RASSF3: variants seen among roughly 807,000 people sequenced by gnomAD.
RASSF3 encodes the protein Ras association domain family member 3, also known as ras association domain-containing protein 3.
Under a neutral mutation model 19.9 loss-of-function variants are expected in RASSF3, and 19 were observed. The observed-to-expected ratio is 0.96, with a 90% confidence interval of 0.67 to 1.40. The LOEUF (loss-of-function observed/expected upper bound fraction) is 1.40. Ranked by LOEUF, RASSF3 falls within the 40% of genes most tolerant of loss-of-function variation. The probability of loss-of-function intolerance (pLI) is 0.00; values close to 1 mark genes in which losing one functional copy is unlikely to be tolerated. For missense variants in RASSF3, 306 were observed against 289.8 expected (o/e 1.06, Z -0.41); for synonymous variants, 110 against 104.2 (o/e 1.06, Z -0.34).
chr12:64,593,908 A>G (rs1869960170), intron 2 of RASSF3, among the ~76,000 whole-genome samples: 1 of 149,130 alleles, frequency 6.7e-6, no homozygotes, highest in Admixed American at 6.8e-5. Flanking sequence ...GCTACTCAGG[A>G]GGCTGAGGCA....
chr12:64,655,148 A>T (rs1872110219), intron 1 of RASSF3: 1 of 152,234 alleles, frequency 6.6e-6, no homozygotes, highest in South Asian at 2.1e-4. Flanking sequence ...ATAGATCTGT[A>T]GAAGTTTTAA....
chr12:64,667,532 CGT>C (rs1872568646), intron 1 of RASSF3, among the ~76,000 whole-genome samples: 1 of 152,154 alleles, frequency 6.6e-6, no homozygotes, highest in Non-Finnish European at 1.5e-5. Flanking sequence ...GAAAGATGGT[CGT>C]AGCTCCTATT....
chr12:64,693,144 CTTTTTT>C (rs71434057), intron 4 of RASSF3, among the ~76,000 whole-genome samples: 1 of 128,754 alleles, frequency 7.8e-6, no homozygotes, highest in African/African-American at 2.9e-5. Context: ...CCATGTTGCT[CTTTTTT>C]TTTTTTTTTT....
intron 1 of RASSF3, among the ~76,000 whole-genome samples, chr12:64,618,908 T>G (rs1336839501): frequency 1.3e-5 from 2 of 151,872 alleles, no homozygotes; most frequent in Non-Finnish European, 2.9e-5. Flanking sequence ...AAATGTACCC[T>G]AAAACTTAAA....
At chr12:64,544,889 T>G (rs1262441945), downstream of RASSF3, among the ~76,000 whole-genome samples, 1 of 152,216 alleles carries the variant, frequency 6.6e-6, no homozygotes, top group Non-Finnish European at 1.5e-5. Flanking sequence ...TAACTCTTGA[T>G]CAGAACAGTA....
chr12:64,648,521 T>C (rs1295347741), intron 1 of RASSF3, among the ~76,000 whole-genome samples: 2 of 140,684 alleles, frequency 1.4e-5, no homozygotes, highest in African/African-American at 2.6e-5. Context: ...CTCATAAAGC[T>C]TTTTTTTTTT....
intron 1 of RASSF3, among the ~76,000 whole-genome samples, chr12:64,670,339 A>G (rs1288661309): frequency 4.7e-5 from 7 of 148,040 alleles, no homozygotes; most frequent in African/African-American, 1.7e-4. Flanking sequence ...TTTTTTACAC[A>G]TGAAAGCCTT....
At chr12:64,550,789 C>T (rs2136120686) in intron 2 of RASSF3, among the ~76,000 whole-genome samples, 1 of 127,918 alleles carries the variant, frequency 7.8e-6, no homozygotes. Context: ...CCACTGCAGT[C>T]CAGCCTGAGA....
At chr12:64,589,619 C>T (rs76263856) in intron 2 of RASSF3, among the ~76,000 whole-genome samples, 36 of 150,786 alleles carry the variant, frequency 2.4e-4, no homozygotes, top group African/African-American at 8.0e-4. Flanking sequence ...TTTTTTTTTC[C>T]ATAAAGAAAA....
At chr12:64,543,434 C>CCCGCCCGCCCG (rs1565836086), downstream of RASSF3, among the ~76,000 whole-genome samples, 1 of 59,566 alleles carries the variant, frequency 1.7e-5, no homozygotes, top group Non-Finnish European at 3.1e-5. Context: ...TCCCCGCCCG[C>CCCGCCCGCCCG]CCCCCCCGTG....
chr12:64,561,498 C>T (rs947158670), intron 2 of RASSF3, among the ~76,000 whole-genome samples: 1 of 152,114 alleles, frequency 6.6e-6, no homozygotes, highest in Non-Finnish European at 1.5e-5. Context: ...AAAATTGCTC[C>T]CCCACCACCT....
At chr12:64,669,890 CA>C (rs35671310) in intron 1 of RASSF3, among the ~76,000 whole-genome samples, 3,305 of 106,580 alleles carry the variant, frequency 0.031, 80 homozygotes, top group East Asian at 0.099. Flanking sequence ...TGTAAATTAC[CA>C]AAAAAAAAAA....
intron 1 of RASSF3, among the ~76,000 whole-genome samples, chr12:64,644,697 C>T (rs1307351752): frequency 2.8e-5 from 1 of 35,538 alleles, no homozygotes; most frequent in South Asian, 1.2e-3. Context: ...TGTCTCCAAC[C>T]AAAAACAAAC....
chr12:64,675,530 GGAA>G (rs1286265769), intron 1 of RASSF3, among the ~76,000 whole-genome samples: 1 of 152,146 alleles, frequency 6.6e-6, no homozygotes, highest in African/African-American at 2.4e-5. Flanking sequence ...TGAAGGAGGA[GGAA>G]GAACAGGAGG....
chr12:64,563,308 A>G (rs1303801505), intron 2 of RASSF3, among the ~76,000 whole-genome samples: 4 of 151,976 alleles, frequency 2.6e-5, no homozygotes, highest in African/African-American at 9.7e-5. Context: ...CTGGGATTAC[A>G]GGCACCTGCC....
chr12:64,562,023 T>TTATTTATTTATTTATTTTTG (rs141301351), intron 2 of RASSF3, among the ~76,000 whole-genome samples: 247 of 139,852 alleles, frequency 1.8e-3, no homozygotes, highest in Non-Finnish European at 2.7e-3. Flanking sequence ...ATTTATTTAT[T>TTATTTATTTATTTATTTTTG]TTTGTTTGTT....
At chr12:64,536,601 TA>T (rs143029364) in intron 1 of RASSF3, among the ~76,000 whole-genome samples, 3,385 of 151,998 alleles carry the variant, frequency 0.022, 132 homozygotes, top group African/African-American at 0.077. Flanking sequence ...CCTTGGGACT[TA>T]AAAAAAATGG....
intron 1 of RASSF3, among the ~76,000 whole-genome samples, chr12:64,675,853 C>T (rs1435196994): frequency 1.3e-5 from 2 of 151,692 alleles, no homozygotes; most frequent in Non-Finnish European, 2.9e-5. Context: ...TGAACTCAGG[C>T]AAAATGAACT....
intron 1 of RASSF3, among the ~76,000 whole-genome samples, chr12:64,649,975 CTT>C (rs1592444137): frequency 1.3e-5 from 2 of 152,152 alleles, no homozygotes; most frequent in East Asian, 3.9e-4. Context: ...TTTTCAGAGC[CTT>C]TGTTATGATT....
Sources: gnomAD v4.1 joint callset for allele counts (sites outside exome capture counted in the v4.1 genomes callset) on GRCh38, gnomAD v4.1.1 for gene constraint, MANE v1.5 for transcripts, NCBI Gene and HGNC (gene_info 2026-07-23, HGNC 2026-07-21) for gene names.